Variants in LRP1B observed in about 807,000 individuals in gnomAD.
The protein encoded by LRP1B is low-density lipoprotein receptor-related protein 1B.
Under a neutral mutation model 556.6 loss-of-function variants are expected in LRP1B, and 217 were observed. That is an observed-to-expected ratio of 0.39 (90% CI 0.35 to 0.44). The LOEUF is 0.44. Ranked by LOEUF, LRP1B falls within the 20% of genes least tolerant of loss-of-function variation. The pLI is 1.00. For synonymous variants in LRP1B, 2,047 were observed against 1,865.8 expected (o/e 1.10, Z -2.50); for missense variants, 5,053 against 5,620.8 (o/e 0.90, Z 3.23).
chr2:140,668,236 G>C (rs539306215), intron 41 of LRP1B, among the ~76,000 whole-genome samples: 4 of 145,976 alleles, frequency 2.7e-5, no homozygotes, highest in Admixed American at 7.0e-5. Context: ...CGTGAACCCG[G>C]GAGGCGGTGC....
chr2:141,694,392 C>T (rs547640357), intron 2 of LRP1B, among the ~76,000 whole-genome samples: 47 of 152,156 alleles, frequency 3.1e-4, no homozygotes, highest in African/African-American at 9.1e-4. Flanking sequence ...AGTGACCCAG[C>T]CTTAGTGCCA....
intron 3 of LRP1B, among the ~76,000 whole-genome samples, chr2:141,326,785 A>G (rs1267352144): frequency 6.6e-6 from 1 of 152,194 alleles, no homozygotes; most frequent in Non-Finnish European, 1.5e-5. Context: ...CTTGATGTAG[A>G]CCTGTTTGTG....
At chr2:142,024,499 C>T (rs1703441252) in intron 1 of LRP1B, among the ~76,000 whole-genome samples, 2 of 152,058 alleles carry the variant, frequency 1.3e-5, no homozygotes, top group South Asian at 4.1e-4. Context: ...AGGGATTACA[C>T]TTAAGAAATA....
chr2:140,396,449 T>C (rs543049848), intron 66 of LRP1B, among the ~76,000 whole-genome samples: 1 of 152,256 alleles, frequency 6.6e-6, no homozygotes, highest in Non-Finnish European at 1.5e-5. Context: ...TGATTTGGAG[T>C]GAGGCGATGA....
At chr2:141,704,412 G>A (rs571557689) in intron 2 of LRP1B, among the ~76,000 whole-genome samples, 70 of 151,968 alleles carry the variant, frequency 4.6e-4, no homozygotes, top group Middle Eastern at 3.4e-3. Context: ...AAAGAAGTAC[G>A]TACACTTTTA....
At chr2:140,647,206 T>G (rs1463718676) in intron 41 of LRP1B, among the ~76,000 whole-genome samples, 1 of 152,138 alleles carries the variant, frequency 6.6e-6, no homozygotes, top group Non-Finnish European at 1.5e-5. Flanking sequence ...TAAAAAAACT[T>G]GAAATCTTAA....
intron 18 of LRP1B, among the ~76,000 whole-genome samples, chr2:140,953,417 G>A (rs955374619): frequency 1.7e-4 from 26 of 152,202 alleles, no homozygotes; most frequent in African/African-American, 5.8e-4. Flanking sequence ...TTGTGACAGC[G>A]GAAGCCAATG....
chr2:140,722,076 T>C (rs1282674060), intron 35 of LRP1B, among the ~76,000 whole-genome samples: 3 of 152,112 alleles, frequency 2.0e-5, no homozygotes. Context: ...TCTACTACCT[T>C]AGATTAGTTT....
chr2:142,111,354 C>T (rs1181374622), intron 1 of LRP1B, among the ~76,000 whole-genome samples: 1 of 152,016 alleles, frequency 6.6e-6, no homozygotes, highest in Non-Finnish European at 1.5e-5. Context: ...AGCAGACTGA[C>T]TTTAAAACTT....
intron 41 of LRP1B, among the ~76,000 whole-genome samples, chr2:140,610,025 T>C (rs1262578460): frequency 6.6e-6 from 1 of 150,834 alleles, no homozygotes; most frequent in African/African-American, 2.4e-5. Flanking sequence ...TTTCAGGGCT[T>C]CCATCTATAA....
intron 35 of LRP1B, among the ~76,000 whole-genome samples, chr2:140,760,802 C>T (rs938832617): frequency 6.6e-6 from 1 of 152,020 alleles, no homozygotes; most frequent in South Asian, 2.1e-4. Context: ...AGGAGAAATG[C>T]CTCTTGAACC....
chr2:140,858,057 C>T (rs566001079), intron 27 of LRP1B, among the ~76,000 whole-genome samples: 1 of 152,232 alleles, frequency 6.6e-6, no homozygotes, highest in East Asian at 1.9e-4. Flanking sequence ...GGTGATTTTG[C>T]CTCCCAAGAA....
intron 7 of LRP1B, among the ~76,000 whole-genome samples, chr2:141,115,278 A>C (rs1700859282): frequency 2.0e-5 from 3 of 152,086 alleles, no homozygotes; most frequent in African/African-American, 7.2e-5. Flanking sequence ...ATAGTCCAAG[A>C]GTAGGCTAAA....
At chr2:141,441,212 G>T (rs922474717) in intron 3 of LRP1B, among the ~76,000 whole-genome samples, 3 of 152,098 alleles carry the variant, frequency 2.0e-5, no homozygotes, top group Non-Finnish European at 4.4e-5. Context: ...AAGTAGCTGG[G>T]ATTACAGGTG....
In LRP1B at chr2:140,776,167, G is replaced by T; in HGVS notation, c.5431C>A (p.Pro1811Thr). 1 of 1,597,692 alleles carries T rather than the reference G, an allele frequency of 6.3e-7. No homozygotes were observed. The highest frequency in any genetic ancestry group is 8.5e-7 in the Non-Finnish European group (1 of 1,172,824). ...GAAGTCTTATTCCGTAGGATGGTGG[G>T]GTTTCTTCCGTCTCTTTTGCTGCAG... ...GTCSKRDGRN[P>T]TILRNKTSGV... Residue 1811 changes from proline (P) to threonine (T), a missense_variant, in exon 33 of 91, where the codon CCC (proline) becomes ACC (threonine). Physicochemically the swap from Pro to Thr is conservative, Grantham distance 38 (BLOSUM62 -1). Around this residue, in one of 5 missense-constraint regions of LRP1B, gnomAD observed 3,619 missense variants for 3,931.9 expected, o/e 0.92. Coordinates refer to ENST00000389484, the MANE Select transcript of LRP1B (RefSeq NM_018557.3).
chr2:140,655,790 A>G (rs1684858324), intron 41 of LRP1B, among the ~76,000 whole-genome samples: 1 of 152,128 alleles, frequency 6.6e-6, no homozygotes, highest in Admixed American at 6.6e-5. Flanking sequence ...AAAATACAAA[A>G]AAATTAGCCG....
intron 41 of LRP1B, among the ~76,000 whole-genome samples, chr2:140,603,859 A>C (rs1682765242): frequency 6.6e-6 from 1 of 152,104 alleles, no homozygotes; most frequent in South Asian, 2.1e-4. Context: ...AATTAACAAA[A>C]AGCCAATTAA....
At chr2:140,734,126 T>C (rs1358484230) in intron 35 of LRP1B, among the ~76,000 whole-genome samples, 3 of 152,240 alleles carry the variant, frequency 2.0e-5, no homozygotes, top group Non-Finnish European at 4.4e-5. Flanking sequence ...GAGTATTTGC[T>C]ACTGCGAAGG....
intron 41 of LRP1B, among the ~76,000 whole-genome samples, chr2:140,680,417 G>C (rs1311160709): frequency 6.6e-6 from 1 of 152,058 alleles, no homozygotes; most frequent in Admixed American, 6.6e-5. Context: ...CGGCTGGGTG[G>C]GCCACATTAG....
Sources: gnomAD v4.1 joint callset for allele counts (sites outside exome capture counted in the v4.1 genomes callset) on GRCh38, gnomAD v4.1.1 for gene constraint, gnomAD v4.1.1 regional missense constraint, MANE v1.5 for transcripts, NCBI Gene and HGNC (gene_info 2026-07-23, HGNC 2026-07-21) for gene names.